The following CNTN6 variants were observed in gnomAD, a reference collection of about 807,000 sequenced individuals.
CNTN6 encodes the protein contactin 6, also known as contactin-6.
In CNTN6, 137 loss-of-function variants were observed where a neutral mutation model predicts 122.8. That is an observed-to-expected ratio of 1.12 (90% confidence interval 0.97 to 1.29). CNTN6 has a LOEUF of 1.29. CNTN6 is among the 50% of genes most tolerant of loss of function. The pLI, the probability that CNTN6 is intolerant of heterozygous loss-of-function variation, is 0.00. For missense variants in CNTN6, 1,634 were observed against 1,223.4 expected, an observed-to-expected ratio of 1.34 and a Z score of -5.01; for synonymous variants, 570 against 426.0, an observed-to-expected ratio of 1.34 and a Z score of -4.16.
chr3:1,224,007 G>T lies in CNTN6; in HGVS notation c.182+3194G>T, dbSNP rs376572330. ...GTTCAAGTATATGCAGCAAAGGAAC[G>T]TCAAAGCTAGGACTAGGATTCTTTC... On this transcript the variant is annotated intron_variant, in intron 3 of 22. Coordinates refer to ENST00000446702, the MANE Select transcript of CNTN6 (RefSeq NM_001289080.2). Among the ~76,000 whole-genome samples, 9 of 152,174 alleles carry T rather than the reference G, an allele frequency of 5.9e-5. No individual in the cohort carries two copies. In the East Asian group the frequency reaches 7.7e-4, roughly 13 times the overall value.
intron 2 of CNTN6, among the ~76,000 whole-genome samples, chr3:1,165,277 G>A (rs1168141420): frequency 2.0e-5 from 3 of 152,088 alleles, no homozygotes; most frequent in East Asian, 1.9e-4. Context: ...CATCTAGGCT[G>A]TTGCGGAAGA....
chr3:1,396,389 T>C (rs1309948016), intron 20 of CNTN6, among the ~76,000 whole-genome samples: 1 of 152,178 alleles, frequency 6.6e-6, no homozygotes, highest in Non-Finnish European at 1.5e-5. Context: ...CTTTGGCCCA[T>C]TGTGAAACAG....
chr3:1,258,075 A>G (rs2094788534), intron 4 of CNTN6, among the ~76,000 whole-genome samples: 1 of 152,096 alleles, frequency 6.6e-6, no homozygotes, highest in South Asian at 2.1e-4. Context: ...GTCCCCTCCA[A>G]GTTGTATTGG....
Position 1,147,455 on chromosome 3 carries a change from TA to T in CNTN6, c.-82-471del, listed in dbSNP as rs2092747228. Among the ~76,000 whole-genome samples, 5 of 152,238 alleles carry T rather than the reference TA, an allele frequency of 3.3e-5. No individual in the cohort carries two copies. The South Asian group carries it at 1.0e-3, about 32-fold the overall frequency. On this transcript the variant is annotated intron_variant, in intron 1 of 22. Transcript: ENST00000446702. Reference sequence around the variant, plus strand: ...TTATTCTGAGCTTATTCTAAATTTTTATGAGTTTAGGAGTTTTTATGAACCT... The same window carrying T: ...TTATTCTGAGCTTATTCTAAATTTTTTGAGTTTAGGAGTTTTTATGAACCT...
Position 1,224,389 on chromosome 3 carries a change from T to C in CNTN6, c.183-3429T>C, listed in dbSNP as rs553538054. 2.0e-5 allele frequency among the ~76,000 whole-genome samples: 3 copies of C among 152,210 alleles called. No homozygotes were observed. The South Asian group carries it at 6.2e-4, about 32-fold the overall frequency. ...GATTATACTCAATGATAATGTATTG[T>C]ATATTTCAAAGGAGCTGGAAGAGAA... is the stretch of plus-strand genomic sequence containing the variant. On this transcript the variant is annotated intron_variant, in intron 3 of 22. Transcript: ENST00000446702.
chr3:1,317,373 T>C (rs1053364118), intron 7 of CNTN6, among the ~76,000 whole-genome samples: 1 of 151,806 alleles, frequency 6.6e-6, no homozygotes, highest in Non-Finnish European at 1.5e-5. Context: ...ATTCAGAATC[T>C]ATTTGTCAGG....
At chr3:1,214,887 C>G (rs1252948308) in intron 2 of CNTN6, among the ~76,000 whole-genome samples, 1 of 152,102 alleles carries the variant, frequency 6.6e-6, no homozygotes, top group Non-Finnish European at 1.5e-5. Flanking sequence ...TCCCAAGTAG[C>G]TGGGACTACA....
intron 11 of CNTN6, among the ~76,000 whole-genome samples, chr3:1,330,219 G>A (rs533648848): frequency 2.6e-5 from 4 of 151,958 alleles, no homozygotes; most frequent in Non-Finnish European, 2.9e-5. Flanking sequence ...CAGTTTGAAG[G>A]CTTCCTCCTG....
At chr3:1,114,345 G>C (rs541729929) in intron 1 of CNTN6, among the ~76,000 whole-genome samples, 1 of 152,280 alleles carries the variant, frequency 6.6e-6, no homozygotes, top group East Asian at 1.9e-4. Context: ...CTCATCCTAT[G>C]AATCAAGCCT....
chr3:1,295,592 G>C lies in CNTN6; in HGVS notation c.455-9G>C. ...TTTGTTTTGTTTTGTTTTGTTTCTT[G>C]TTTTTCAGATTTATCTTATGCATGG... On this transcript the variant is annotated splice_polypyrimidine_tract_variant and intron_variant, in intron 5 of 22. Coordinates refer to ENST00000446702, the MANE Select transcript of CNTN6 (RefSeq NM_001289080.2). 6.2e-7 allele frequency: 1 copy of C among 1,608,286 alleles called. No individual in the cohort carries two copies. Among genetic ancestry groups the C allele is most frequent in the South Asian group, 1.1e-5 (1 of 90,934 alleles).
chr3:1,387,433 T>C (rs1693199733), intron 20 of CNTN6, among the ~76,000 whole-genome samples: 1 of 152,190 alleles, frequency 6.6e-6, no homozygotes, highest in Admixed American at 6.5e-5. Flanking sequence ...CCTGGAGTGG[T>C]TTAGCTTCTT....
intron 2 of CNTN6, among the ~76,000 whole-genome samples, chr3:1,160,018 A>C (rs1032459047): frequency 1.3e-5 from 2 of 151,992 alleles, no homozygotes; most frequent in Non-Finnish European, 2.9e-5. Context: ...ACAAGGTTTC[A>C]TCATGTTGGC....
intron 5 of CNTN6, among the ~76,000 whole-genome samples, chr3:1,294,579 C>T (rs535714601): frequency 2.0e-5 from 3 of 152,198 alleles, no homozygotes; most frequent in East Asian, 3.9e-4. Context: ...CTCATTATGT[C>T]ATTTATACAG....
At chr3:1,374,124 T>A in intron 16 of CNTN6, 51 bp downstream of exon 16, 2 of 1,521,886 alleles carry the variant, frequency 1.3e-6, no homozygotes, top group Non-Finnish European at 8.9e-7. Context: ...ATGATACAGT[T>A]CTTAAAACAA....
At chr3:1,095,567 A>G (rs1017987147) in intron 1 of CNTN6, among the ~76,000 whole-genome samples, 1 of 152,236 alleles carries the variant, frequency 6.6e-6, no homozygotes, top group Admixed American at 6.5e-5. Flanking sequence ...AGAAGTTGAA[A>G]CAACATTGAA....
chr3:1,374,953 A>C lies in CNTN6; in HGVS notation c.2095+880A>C, dbSNP rs149740187. On this transcript the variant is annotated intron_variant, in intron 16 of 22. Coordinates refer to ENST00000446702, the MANE Select transcript of CNTN6 (RefSeq NM_001289080.2). ...CGCTAGAAGCTTACAGCTGAGAGGA[A>C]ATCCCTTTGTTTTACAGAAGAGGAA... Among the ~76,000 whole-genome samples the C allele has an allele frequency of 2.1e-3, 320 of 152,200 alleles. 1 individual carries two copies. The highest frequency in any genetic ancestry group is 6.8e-3 in the African/African-American group (284 of 41,546).
chr3:1,219,949 CTG>C (rs772640201), intron 2 of CNTN6, among the ~76,000 whole-genome samples: 72 of 146,190 alleles, frequency 4.9e-4, no homozygotes, highest in Non-Finnish European at 8.1e-4. Flanking sequence ...CTGCAGTGAG[CTG>C]TGATTGTGCC....
chr3:1,372,526 A>T (rs192704728), intron 13 of CNTN6, 52 bp downstream of exon 13: 2 of 1,392,648 alleles, frequency 1.4e-6, no homozygotes, highest in Admixed American at 2.2e-5. Context: ...AGTCTTTTAC[A>T]TGAATCACCA....
chr3:1,297,094 C>G (rs1039053209), intron 6 of CNTN6, among the ~76,000 whole-genome samples: 1 of 152,062 alleles, frequency 6.6e-6, no homozygotes, highest in African/African-American at 2.4e-5. Context: ...TACCTTCTCA[C>G]CATAACCTCT....
Sources: allele counts gnomAD v4.1 joint callset (sites outside exome capture counted in the v4.1 genomes callset), GRCh38; gene constraint gnomAD v4.1.1; transcripts MANE v1.5; gene names NCBI Gene and HGNC (gene_info 2026-07-23, HGNC 2026-07-21).